Variants in PTK7 observed in about 807,000 individuals in gnomAD.
PTK7 encodes the protein inactive tyrosine-protein kinase 7.
In PTK7, 39 loss-of-function variants were observed where a neutral mutation model predicts 116.6. The ratio of observed to expected loss-of-function variants is 0.33; its 90% CI spans 0.26 to 0.44. PTK7 has a LOEUF of 0.44. PTK7 is among the 20% of genes least tolerant of loss of function. PTK7 has a pLI of 1.00. For missense variants in PTK7, 1,169 were observed against 1,425.6 expected (o/e 0.82, Z 2.90); for synonymous variants, 546 against 563.6 (o/e 0.97, Z 0.44).
chr6:43,079,881 A>C (rs2150366381), intron 1 of PTK7, among the ~76,000 whole-genome samples: 1 of 146,712 alleles, frequency 6.8e-6, no homozygotes, highest in East Asian at 2.0e-4. Context: ...CAACACAATG[A>C]GACCTCCACC....
chr6:43,132,812 A>G (rs1283862627), intron 7 of PTK7, 125 bp downstream of exon 7: 1 of 1,334,858 alleles, frequency 7.5e-7, no homozygotes, highest in East Asian at 2.5e-5. Context: ...AGGCTTGGGA[A>G]TCAGTTCACT....
rs561849773 is a variant in PTK7, at chr6:43,142,471, C to T, written c.2047+172C>T. The T allele has an allele frequency of 4.5e-5, 48 of 1,062,046 alleles. No homozygotes were observed. The East Asian group carries it at 6.5e-4, about 14-fold the overall frequency. 65.8% of individuals were successfully genotyped at this position (1,062,046 alleles called of 1,614,324 possible). A position where few individuals can be genotyped will look rare whatever the true frequency, so the allele number is the denominator to read the frequency against. ...CAGTCTTAGAGTCCTTGCTCAGAGCCGGGCTGTCGTTTATTTAACATCCAA... is the reference window on the plus strand; with the variant it reads ...CAGTCTTAGAGTCCTTGCTCAGAGCTGGGCTGTCGTTTATTTAACATCCAA... On this transcript the variant is annotated intron_variant, in intron 13 of 19. Coordinates refer to ENST00000230419, the MANE Select transcript of PTK7 (RefSeq NM_002821.5).
In PTK7 at chr6:43,113,679, A is replaced by G. The variant is rs115579446; in HGVS notation, c.80-15298A>G. ...CCAAAAGTAGCAGGAGTGCTGGGTC[A>G]GGGGTTCTGGAAAAGCTGGATGGAA... is the stretch of plus-strand genomic sequence containing the variant. On this transcript the variant is annotated intron_variant, in intron 1 of 19. Transcript: ENST00000230419. Among the ~76,000 whole-genome samples the G allele has an allele frequency of 3.4e-3, 513 of 152,282 alleles. 2 individuals carry two copies. The highest frequency in any genetic ancestry group is 0.011 in the African/African-American group (477 of 41,562).
chr6:43,129,237 A>G lies in PTK7; in HGVS notation c.340A>G (p.Ser114Gly). ...RDDVTGEEAR[S>G]ANASFNIKWI... Reference sequence around the variant, plus strand: ...TGATGTCACTGGAGAAGAAGCCCGCAGTGCCAACGCCTCCTTCAACATCAA... The same window carrying G: ...TGATGTCACTGGAGAAGAAGCCCGCGGTGCCAACGCCTCCTTCAACATCAA... Residue 114 changes from serine (S) to glycine (G), a missense_variant, in exon 2 of 20, where the codon AGT becomes GGT. This residue lies in a region of PTK7 where 487 missense variants were observed against 549.8 expected (regional missense o/e 0.89). Transcript: ENST00000230419. The surrounding 1 kb of genome is among the most constrained non-coding windows in gnomAD (Gnocchi z 4.5). 1 of 1,614,132 alleles carries G rather than the reference A, an allele frequency of 6.2e-7. No homozygotes were observed. Among genetic ancestry groups the G allele is most frequent in the Non-Finnish European group, 8.5e-7 (1 of 1,180,034 alleles).
chr6:43,098,460 A>G (rs942784171), intron 1 of PTK7, among the ~76,000 whole-genome samples: 1 of 151,758 alleles, frequency 6.6e-6, no homozygotes, highest in Non-Finnish European at 1.5e-5. Flanking sequence ...GGTTCAAGCA[A>G]TTCTTCTGCC....
At chr6:43,138,705 C>G in intron 7 of PTK7, 144 bp from the exon 8 acceptor site, 1 of 1,201,574 alleles carries the variant, frequency 8.3e-7, no homozygotes, top group East Asian at 2.5e-5. Context: ...CCTGGGTCTT[C>G]CGTAAAGGGA....
intron 17 of PTK7, among the ~76,000 whole-genome samples, chr6:43,157,326 C>CTATA (rs376896300): frequency 1.0e-3 from 23 of 21,986 alleles, no homozygotes; most frequent in Middle Eastern, 0.038. Flanking sequence ...GACACACACG[C>CTATA]TATATATATA....
At chr6:43,153,559 A>C (rs1003808439) in intron 17 of PTK7, among the ~76,000 whole-genome samples, 4 of 151,670 alleles carry the variant, frequency 2.6e-5, no homozygotes, top group African/African-American at 9.7e-5. Flanking sequence ...ACAGGCACCC[A>C]CCACCACACC....
At chr6:43,155,394 A>C (rs1442829691) in intron 17 of PTK7, among the ~76,000 whole-genome samples, 2 of 152,180 alleles carry the variant, frequency 1.3e-5, no homozygotes, top group Non-Finnish European at 2.9e-5. Flanking sequence ...CTGTAATCCC[A>C]GTGCTTTGGG....
chr6:43,160,887 G>T lies in PTK7; in HGVS notation c.*6G>T. 6.2e-7 allele frequency: 1 copy of T among 1,613,364 alleles called. No individual in the cohort carries two copies. Reference sequence around the variant, plus strand: ...CCGTGGACAGCAAGCCGTGAGGAGGGAGCCCGCTCAGGATGGCCTGGGCAG... The same window carrying T: ...CCGTGGACAGCAAGCCGTGAGGAGGTAGCCCGCTCAGGATGGCCTGGGCAG... On this transcript the variant is annotated 3_prime_UTR_variant, in exon 20 of 20. Coordinates refer to ENST00000230419, the MANE Select transcript of PTK7 (RefSeq NM_002821.5).
intron 1 of PTK7, among the ~76,000 whole-genome samples, chr6:43,082,336 A>G (rs1001832234): frequency 6.6e-6 from 1 of 151,962 alleles, no homozygotes; most frequent in Non-Finnish European, 1.5e-5. Flanking sequence ...CCACCACGCC[A>G]GGCTAATTTT....
intron 1 of PTK7, among the ~76,000 whole-genome samples, chr6:43,117,221 G>A (rs1259654268): frequency 6.6e-6 from 1 of 152,156 alleles, no homozygotes; most frequent in Non-Finnish European, 1.5e-5. Context: ...TTAATCTACT[G>A]GGGAGAAGAG....
In PTK7 at chr6:43,158,940, C is replaced by T; in HGVS notation, c.2845C>T (p.Leu949=). The change falls in exon 18 of 20, where the codon CTG becomes TTG. Residue 949 remains leucine, a synonymous_variant. Coordinates refer to ENST00000230419, the MANE Select transcript of PTK7 (RefSeq NM_002821.5). The part of the protein sequence containing the change: ...SAQRQVKVSA[L]GLSKDVYNSE... ...CCAGAGACAAGTGAAGGTGTCTGCC[C>T]TGGGCCTCAGCAAGGATGTGTACAA... is the stretch of plus-strand genomic sequence containing the variant. 1 of 1,614,158 alleles carries T rather than the reference C, an allele frequency of 6.2e-7. No homozygotes were observed. The highest frequency in any genetic ancestry group is 1.1e-5 in the South Asian group (1 of 91,088).
intron 1 of PTK7, among the ~76,000 whole-genome samples, chr6:43,127,142 A>C (rs1430140691): frequency 6.6e-6 from 1 of 152,238 alleles, no homozygotes; most frequent in African/African-American, 2.4e-5. Flanking sequence ...ATTAGTTTCC[A>C]GTGGTTTGGG....
rs750379676 is a variant in PTK7 at position 43,160,911 on chromosome 6, A to C, written c.*30A>C. The C allele has an allele frequency of 6.8e-6, 11 of 1,609,312 alleles. No homozygotes were observed. The highest frequency in any genetic ancestry group is 9.3e-6 in the Non-Finnish European group (11 of 1,178,346). On this transcript the variant is annotated 3_prime_UTR_variant, in exon 20 of 20. Transcript: ENST00000230419. The stretch of plus-strand genomic sequence containing the variant: ...GGAGCCCGCTCAGGATGGCCTGGGC[A>C]GGGGAGGACATCTCTAGAGGGAAGC...
chr6:43,144,384 A>T, intron 14 of PTK7, 67 bp from the exon 15 acceptor site: 2 of 1,599,960 alleles, frequency 1.3e-6, no homozygotes, highest in Non-Finnish European at 1.7e-6. Flanking sequence ...AGGGGACAGA[A>T]CAGAAATCCC....
intron 1 of PTK7, among the ~76,000 whole-genome samples, chr6:43,091,169 T>TC (rs966366361): frequency 5.3e-5 from 8 of 151,042 alleles, no homozygotes; most frequent in African/African-American, 1.7e-4. Flanking sequence ...TTTTTTTTTT[T>TC]TTTGTTTTGG....
At position 43,154,470 on chromosome 6, in the gene PTK7, A is replaced by C. The variant is rs887619657; in HGVS notation, c.2722-4347A>C. The stretch of plus-strand genomic sequence containing the variant: ...AGTACAGTTTGCATCACAACCCAAT[A>C]CACACATATGTATATATTTTTAAAA... On this transcript the variant is annotated intron_variant, in intron 17 of 19. Coordinates refer to ENST00000230419, the MANE Select transcript of PTK7 (RefSeq NM_002821.5). Among the ~76,000 whole-genome samples, 8 of 152,198 alleles carry C rather than the reference A, an allele frequency of 5.3e-5. No homozygotes were observed. In the South Asian group the frequency reaches 8.3e-4, roughly 16 times the overall value.
chr6:43,155,575 C>T (rs1430996126), intron 17 of PTK7, among the ~76,000 whole-genome samples: 5 of 147,688 alleles, frequency 3.4e-5, no homozygotes, highest in East Asian at 2.3e-4. Flanking sequence ...ACCCGGGAGG[C>T]GGAGTGGAGG....
Sources: gnomAD v4.1 joint callset for allele counts (sites outside exome capture counted in the v4.1 genomes callset) on GRCh38, gnomAD v4.1.1 for gene constraint, gnomAD v4.1.1 regional missense constraint, Gnocchi (gnomAD v3.1) non-coding constraint, MANE v1.5 for transcripts, NCBI Gene and HGNC (gene_info 2026-07-23, HGNC 2026-07-21) for gene names.